Variants in KIF26B observed in about 807,000 individuals in gnomAD.
KIF26B encodes the protein kinesin family member 26B.
Under a neutral mutation model 151.2 loss-of-function variants are expected in KIF26B, and 63 were observed. The ratio of observed to expected loss-of-function variants is 0.42; its 90% CI spans 0.34 to 0.51. KIF26B has a LOEUF of 0.51. Among genes scored for constraint, KIF26B ranks in the 20% least tolerant of loss-of-function variants. KIF26B has a pLI of 0.07. For missense variants in KIF26B, 2,813 were observed against 2,913.6 expected, an observed-to-expected ratio of 0.97 and a Z score of 0.79; for synonymous variants, 1,357 against 1,262.1, an observed-to-expected ratio of 1.08 and a Z score of -1.59.
chr1:245,596,351 A>T lies in KIF26B; in HGVS notation c.1351-6226A>T, dbSNP rs149919525. The stretch of plus-strand genomic sequence containing the variant: ...TTAAATGTGTCCCAGAGATTCTGGT[A>T]TGTTGTGTCTTTGTGCTCATTGGTT... On this transcript the variant is annotated intron_variant, in intron 5 of 14. Transcript: ENST00000407071. 2.6e-5 allele frequency among the ~76,000 whole-genome samples: 4 copies of T among 152,156 alleles called. No homozygotes were observed. The South Asian group carries it at 6.2e-4, about 24-fold the overall frequency.
chr1:245,247,926 T>A (rs950761623), intron 2 of KIF26B, among the ~76,000 whole-genome samples: 9 of 152,196 alleles, frequency 5.9e-5, no homozygotes, highest in Non-Finnish European at 1.3e-4. Context: ...TTGCAGCAGA[T>A]GCCCTCAGCT....
intron 2 of KIF26B, among the ~76,000 whole-genome samples, chr1:245,303,436 G>A (rs1277164610): frequency 6.6e-6 from 1 of 150,674 alleles, no homozygotes; most frequent in Non-Finnish European, 1.5e-5. Flanking sequence ...CTGACCTCGT[G>A]ATCCGCCCGC....
In KIF26B at chr1:245,508,173, T is replaced by C. The variant is rs1558192619; in HGVS notation, c.1167-32594T>C. On this transcript the variant is annotated intron_variant, in intron 4 of 14. Coordinates refer to ENST00000407071, the MANE Select transcript of KIF26B (RefSeq NM_018012.4). Reference sequence around the variant, plus strand: ...TGCTGGTGTTTCCCCAAGGATGTTCTAGACCCTTCACCATTCCATTCATTC... The same window carrying C: ...TGCTGGTGTTTCCCCAAGGATGTTCCAGACCCTTCACCATTCCATTCATTC... 5.3e-5 allele frequency among the ~76,000 whole-genome samples: 8 copies of C among 152,252 alleles called. No homozygotes were observed. In the South Asian group the frequency reaches 1.7e-3, roughly 32 times the overall value.
At chr1:245,297,681 C>T (rs961822656) in intron 2 of KIF26B, among the ~76,000 whole-genome samples, 20 of 152,160 alleles carry the variant, frequency 1.3e-4, no homozygotes, top group Middle Eastern at 3.2e-3. Flanking sequence ...AAATGTATTA[C>T]TTAGTCCTTT....
At chr1:245,641,700 G>C (rs2043894109) in intron 9 of KIF26B, among the ~76,000 whole-genome samples, 1 of 151,782 alleles carries the variant, frequency 6.6e-6, no homozygotes, top group Non-Finnish European at 1.5e-5. Context: ...TCTTTTCTGT[G>C]AACTTTCTCT....
At position 245,692,126 on chromosome 1, in the gene KIF26B, A is replaced by G. The variant is rs750157044; in HGVS notation, c.5824+3319A>G. 7.2e-5 allele frequency among the ~76,000 whole-genome samples: 11 copies of G among 152,302 alleles called. No individual in the cohort carries two copies. The South Asian group carries it at 1.0e-3, about 14-fold the overall frequency. On this transcript the variant is annotated intron_variant, in intron 12 of 14. Transcript: ENST00000407071. ...TGGTCATGTGATGTCTTTTCCTTAG[A>G]GCAATCTGTAGTCAGTGGGGTTTAT... is the stretch of plus-strand genomic sequence containing the variant.
intron 4 of KIF26B, among the ~76,000 whole-genome samples, chr1:245,429,231 A>C (rs61184988): frequency 0.068 from 10,417 of 152,304 alleles, 443 homozygotes; most frequent in South Asian, 0.14. Flanking sequence ...AGATAATGTG[A>C]AGATGGCACG....
At chr1:245,413,490 G>A (rs1674336537) in intron 3 of KIF26B, among the ~76,000 whole-genome samples, 1 of 152,052 alleles carries the variant, frequency 6.6e-6, no homozygotes, top group Non-Finnish European at 1.5e-5. Flanking sequence ...GTGAAACCCT[G>A]TCTCTACTAA....
At chr1:245,520,417 T>C (rs893272672) in intron 4 of KIF26B, among the ~76,000 whole-genome samples, 7 of 152,246 alleles carry the variant, frequency 4.6e-5, no homozygotes, top group African/African-American at 1.7e-4. Flanking sequence ...ATTTGTTTTA[T>C]GAACATGATA....
intron 2 of KIF26B, among the ~76,000 whole-genome samples, chr1:245,220,559 G>A (rs1573716364): frequency 6.6e-6 from 1 of 152,172 alleles, no homozygotes; most frequent in Admixed American, 6.5e-5. Flanking sequence ...CAGGCACCCC[G>A]AAGGAGTAAG....
In KIF26B at chr1:245,647,371, G is replaced by A. The variant is rs190950548; in HGVS notation, c.2258+1091G>A. On this transcript the variant is annotated intron_variant, in intron 10 of 14. Transcript: ENST00000407071. ...AACCAGGAGGCGGAGCTTGCAGTGAGCCAAGATCACGCCACTGCACTCCAG... is the reference window on the plus strand; with the variant it reads ...AACCAGGAGGCGGAGCTTGCAGTGAACCAAGATCACGCCACTGCACTCCAG... Among the ~76,000 whole-genome samples, 655 of 131,902 alleles carry A rather than the reference G, an allele frequency of 5.0e-3. 6 individuals are homozygous for A. Among genetic ancestry groups the A allele is most frequent in the Non-Finnish European group, 8.3e-3 (542 of 65,662 alleles). The allele number at this position is 131,902 out of a possible 152,430, so 86.5% of individuals were successfully genotyped here.
intron 10 of KIF26B, among the ~76,000 whole-genome samples, chr1:245,646,672 A>T (rs1301511137): frequency 1.3e-5 from 2 of 152,194 alleles, no homozygotes; most frequent in Non-Finnish European, 2.9e-5. Flanking sequence ...AACCAAAAAA[A>T]TATAGGATAT....
intron 3 of KIF26B, among the ~76,000 whole-genome samples, chr1:245,389,587 C>T (rs66550724): frequency 0.029 from 4,426 of 152,270 alleles, 82 homozygotes; most frequent in Non-Finnish European, 0.044. Context: ...TATTTTGAGG[C>T]TCACTGCATA....
intron 2 of KIF26B, among the ~76,000 whole-genome samples, chr1:245,317,012 T>C (rs183219889): frequency 1.3e-5 from 2 of 152,160 alleles, no homozygotes; most frequent in African/African-American, 4.8e-5. Flanking sequence ...GGTGGTGATA[T>C]ACGATTTCAA....
intron 10 of KIF26B, among the ~76,000 whole-genome samples, chr1:245,654,359 G>C (rs1453576066): frequency 4.6e-5 from 7 of 152,096 alleles, no homozygotes; most frequent in South Asian, 2.1e-4. Flanking sequence ...AACAAGCAAC[G>C]AGACGCTCCT....
chr1:245,496,699 T>C (rs549561873), intron 4 of KIF26B, among the ~76,000 whole-genome samples: 225 of 152,328 alleles, frequency 1.5e-3, no homozygotes, highest in Admixed American at 3.6e-3. Flanking sequence ...AGTATATCCG[T>C]AATTGAGTTA....
chr1:245,184,448 C>T (rs1036362667), intron 2 of KIF26B, among the ~76,000 whole-genome samples: 2 of 152,050 alleles, frequency 1.3e-5, no homozygotes, highest in Admixed American at 6.6e-5. Context: ...ACATGTGCGT[C>T]GTCATCTGTG....
At chr1:245,618,732 G>T (rs1021548360) in intron 9 of KIF26B, among the ~76,000 whole-genome samples, 7 of 110,396 alleles carry the variant, frequency 6.3e-5, no homozygotes, top group South Asian at 3.3e-4. Context: ...ACGTGCTGTT[G>T]GTGAGCTTGT....
intron 2 of KIF26B, among the ~76,000 whole-genome samples, chr1:245,249,121 T>C (rs950638336): frequency 6.6e-6 from 1 of 152,116 alleles, no homozygotes; most frequent in Non-Finnish European, 1.5e-5. Flanking sequence ...TTGTTTTTGG[T>C]TTATTTTTGA....
Sources: allele counts gnomAD v4.1 joint callset (sites outside exome capture counted in the v4.1 genomes callset), GRCh38; gene constraint gnomAD v4.1.1; transcripts MANE v1.5; gene names NCBI Gene and HGNC (gene_info 2026-07-23, HGNC 2026-07-21).